WDFY1: variants seen among roughly 807,000 people sequenced by gnomAD.
The protein encoded by WDFY1 is WD repeat and FYVE domain-containing protein 1.
Under a neutral mutation model 56.4 loss-of-function variants are expected in WDFY1, and 32 were observed. That is an observed-to-expected ratio of 0.57 (90% CI 0.43 to 0.76). The LOEUF (loss-of-function observed/expected upper bound fraction) is 0.76. Among genes scored for constraint, WDFY1 ranks in the 30% least tolerant of loss-of-function variants. The pLI is 0.00. For synonymous variants in WDFY1, 192 were observed against 197.3 expected (o/e 0.97, Z 0.23); for missense variants, 480 against 545.7 (o/e 0.88, Z 1.20).
intron 6 of WDFY1, among the ~76,000 whole-genome samples, chr2:223,896,598 C>A (rs767568024): frequency 1.3e-5 from 2 of 152,256 alleles, no homozygotes; most frequent in South Asian, 4.1e-4. Flanking sequence ...CCTTGTTCAT[C>A]GACTGCTGTT....
At chr2:223,929,189 G>GTTTTTT (rs566936287) in intron 1 of WDFY1, among the ~76,000 whole-genome samples, 9 of 28,934 alleles carry the variant, frequency 3.1e-4, no homozygotes, top group Non-Finnish European at 1.1e-3. Flanking sequence ...TCTGTTTTTT[G>GTTTTTT]TTTTTTTTTT....
intron 1 of WDFY1, among the ~76,000 whole-genome samples, chr2:223,933,666 A>G (rs1013408674): frequency 6.6e-6 from 1 of 152,024 alleles, no homozygotes; most frequent in Non-Finnish European, 1.5e-5. Context: ...CAAAAAATAA[A>G]AATAAATTAG....
intron 5 of WDFY1, chr2:223,899,292 G>A (rs1299695247): frequency 2.1e-6 from 1 of 467,238 alleles, no homozygotes. Flanking sequence ...TTATTACTGA[G>A]AAAGTTTATA....
chr2:223,913,967 T>C (rs16841547), intron 2 of WDFY1, among the ~76,000 whole-genome samples: 2,694 of 146,780 alleles, frequency 0.018, 70 homozygotes, highest in Middle Eastern at 0.062. Context: ...TAAAGCAAAA[T>C]AGGAATCATC....
At chr2:223,906,694 AT>A (rs1693602474) in intron 3 of WDFY1, among the ~76,000 whole-genome samples, 1 of 151,512 alleles carries the variant, frequency 6.6e-6, no homozygotes, top group Non-Finnish European at 1.5e-5. Flanking sequence ...TAAATTTTGT[AT>A]TTTTAATAGA....
intron 1 of WDFY1, among the ~76,000 whole-genome samples, chr2:223,927,422 T>G (rs1007074341): frequency 1.3e-5 from 2 of 152,250 alleles, no homozygotes; most frequent in African/African-American, 4.8e-5. Context: ...TTTGCACTTT[T>G]ATGTTATGTA....
At chr2:223,922,885 T>C (rs1693909077) in intron 1 of WDFY1, among the ~76,000 whole-genome samples, 1 of 152,238 alleles carries the variant, frequency 6.6e-6, no homozygotes, top group South Asian at 2.1e-4. Context: ...CCTACTTAGA[T>C]TCCAGCATTT....
chr2:223,905,947 C>A lies in WDFY1; in HGVS notation c.334G>T (p.Ala112Ser). 6.4e-7 allele frequency: 1 copy of A among 1,566,600 alleles called. No homozygotes were observed. The highest frequency in any genetic ancestry group is 8.6e-7 in the Non-Finnish European group (1 of 1,158,210). The change falls in exon 4 of 12, where the codon GCT (alanine) becomes TCT (serine). Residue 112 changes from alanine (A) to serine (S), a missense_variant and splice_region_variant. Ala to Ser is a moderately conservative substitution (Grantham distance 99, BLOSUM62 1). Coordinates refer to ENST00000233055, the MANE Select transcript of WDFY1 (RefSeq NM_020830.5). ...NKMNFIKTYPAHQNRVSAIIF... is the reference protein window; with the variant it reads ...NKMNFIKTYPSHQNRVSAIIF... ...GCAAGATAATGTGTATTATAATTACCTGGGTAGGTCTTGATAAAGTTCATT... is the reference window on the plus strand; with the variant it reads ...GCAAGATAATGTGTATTATAATTACATGGGTAGGTCTTGATAAAGTTCATT...
intron 7 of WDFY1, among the ~76,000 whole-genome samples, 158 bp downstream of exon 7, chr2:223,895,346 G>A (rs1693347194): frequency 6.6e-6 from 1 of 152,106 alleles, no homozygotes; most frequent in Admixed American, 6.5e-5. Flanking sequence ...AGACACTCGG[G>A]GCTGACAGAA....
chr2:223,894,453 C>T, intron 7 of WDFY1, 114 bp from the exon 8 acceptor site: 1 of 976,096 alleles, frequency 1.0e-6, no homozygotes, highest in South Asian at 1.5e-5. Context: ...TATTTTACCA[C>T]TGACTATTTA....
chr2:223,919,418 C>T (rs1693852951), intron 1 of WDFY1, among the ~76,000 whole-genome samples: 1 of 152,190 alleles, frequency 6.6e-6, no homozygotes, highest in South Asian at 2.1e-4. Context: ...ATTATGTTGG[C>T]CAGGCTGGTC....
At chr2:223,909,817 A>C (rs1166746575) in intron 3 of WDFY1, among the ~76,000 whole-genome samples, 1 of 152,148 alleles carries the variant, frequency 6.6e-6, no homozygotes, top group Non-Finnish European at 1.5e-5. Flanking sequence ...CCGCTAAAAC[A>C]ATCTGATTCT....
intron 5 of WDFY1, among the ~76,000 whole-genome samples, chr2:223,899,672 G>C (rs145572689): frequency 1.3e-5 from 2 of 152,176 alleles, no homozygotes; most frequent in East Asian, 1.9e-4. Flanking sequence ...CTTGAACCCA[G>C]GAGGCAGAGG....
chr2:223,932,651 A>C (rs1253419581), intron 1 of WDFY1, among the ~76,000 whole-genome samples: 3 of 152,150 alleles, frequency 2.0e-5, no homozygotes, highest in African/African-American at 7.2e-5. Context: ...TCATTCAATT[A>C]ATCATTTTAA....
chr2:223,895,454 G>A, intron 7 of WDFY1, 50 bp downstream of exon 7: 2 of 1,612,770 alleles, frequency 1.2e-6, no homozygotes, highest in Non-Finnish European at 8.5e-7. Context: ...CCTTTCACTA[G>A]CTCCCCACTA....
intron 8 of WDFY1, among the ~76,000 whole-genome samples, chr2:223,892,942 T>C (rs1475035414): frequency 6.6e-6 from 1 of 152,232 alleles, no homozygotes; most frequent in African/African-American, 2.4e-5. Flanking sequence ...TATAAGTCAT[T>C]AACATCCCTC....
intron 1 of WDFY1, among the ~76,000 whole-genome samples, chr2:223,924,997 T>C (rs972487496): frequency 5.3e-5 from 8 of 152,096 alleles, no homozygotes; most frequent in Non-Finnish European, 7.4e-5. Context: ...GGCTTGGAAA[T>C]TGGTTCTATA....
intron 1 of WDFY1, among the ~76,000 whole-genome samples, chr2:223,938,291 ATTTATAAGGC>A (rs897948004): frequency 1.1e-4 from 17 of 152,348 alleles, no homozygotes; most frequent in African/African-American, 3.6e-4. Flanking sequence ...GCCTTAACTT[ATTTATAAGGC>A]TTTATAAAGC....
chr2:223,903,962 T>C (rs1265516059), intron 4 of WDFY1, among the ~76,000 whole-genome samples: 29 of 152,156 alleles, frequency 1.9e-4, no homozygotes, highest in Non-Finnish European at 5.9e-5. Context: ...GACAAAAACA[T>C]TGACCAGGCA....
Sources: gnomAD v4.1 joint callset for allele counts (sites outside exome capture counted in the v4.1 genomes callset) on GRCh38, gnomAD v4.1.1 for gene constraint, MANE v1.5 for transcripts, NCBI Gene and HGNC (gene_info 2026-07-23, HGNC 2026-07-21) for gene names.